The following ZSCAN26 variants were observed in gnomAD, a reference collection of about 807,000 sequenced individuals.
ZSCAN26 encodes the protein zinc finger and SCAN domain containing 26.
Under a neutral mutation model 23.0 loss-of-function variants are expected in ZSCAN26, and 26 were observed. That is an observed-to-expected ratio of 1.13 (90% CI 0.83 to 1.57). ZSCAN26 has a LOEUF of 1.57. Ranked by LOEUF, ZSCAN26 falls within the 40% of genes most tolerant of loss-of-function variation. The probability of loss-of-function intolerance (pLI) is 0.00; values close to 1 mark genes in which losing one functional copy is unlikely to be tolerated. For missense variants in ZSCAN26, 528 were observed against 568.5 expected, an observed-to-expected ratio of 0.93 and a Z score of 0.72; for synonymous variants, 180 against 202.5, an observed-to-expected ratio of 0.89 and a Z score of 0.94.
intron 3 of ZSCAN26, 50 bp from the exon 4 acceptor site, chr6:28,276,145 C>A: frequency 6.7e-7 from 1 of 1,500,820 alleles, no homozygotes; most frequent in Non-Finnish European, 8.9e-7. Flanking sequence ...AGATTCCTTT[C>A]CCCAAGCATC....
chr6:28,272,551 C>G, intron 2 of ZSCAN26, 119 bp from the exon 3 acceptor site: 1 of 1,038,386 alleles, frequency 9.6e-7, no homozygotes, highest in Non-Finnish European at 1.4e-6. Context: ...ATCTTCTTTT[C>G]TTTGCCCCTC....
rs1042823996 is a variant in ZSCAN26, at chr6:28,276,616, T to C, written c.960T>C (p.Phe320=). The change falls in exon 4 of 4, where the codon TTT becomes TTC. Residue 320 remains phenylalanine, a synonymous_variant. Transcript: ENST00000421553. ...PYQCNECGKV[F]SQNAGLLEHL... ...AGTGCAATGAGTGTGGCAAAGTCTT[T>C]AGCCAGAATGCAGGCCTTTTGGAAC... is the stretch of plus-strand genomic sequence containing the variant. 6.2e-7 allele frequency: 1 copy of C among 1,612,482 alleles called. No homozygotes were observed. Among genetic ancestry groups the C allele is most frequent in the East Asian group, 2.2e-5 (1 of 44,868 alleles).
At position 28,276,998 on chromosome 6, in the gene ZSCAN26, G is replaced by T. The variant is rs1381335277; in HGVS notation, c.1342G>T (p.Glu448Ter). ...TCAGCATGTAAGAATCCACAATGAAGAAAAACCCTATCAGTGTAGTGAATG... is the reference window on the plus strand; with the variant it reads ...TCAGCATGTAAGAATCCACAATGAATAAAAACCCTATCAGTGTAGTGAATG... ...LAQHVRIHNE[E>*]KPYQCSECGE... The change falls in exon 4 of 4, where the codon GAA (glutamate) becomes TAA (stop). Residue 448 changes from glutamate (E) to a stop codon, truncating the protein, a stop_gained. Coordinates refer to ENST00000421553, the MANE Select transcript of ZSCAN26 (RefSeq NM_001023560.4). LOFTEE classifies it high-confidence loss of function. 2 of 1,614,004 alleles carry T rather than the reference G, an allele frequency of 1.2e-6. No homozygotes were observed. Among genetic ancestry groups the T allele is most frequent in the Non-Finnish European group, 1.7e-6 (2 of 1,179,868 alleles).
In ZSCAN26 at chr6:28,276,384, A is replaced by G. The variant is rs765558461; in HGVS notation, c.728A>G (p.Gln243Arg). 6 of 1,613,922 alleles carry G rather than the reference A, an allele frequency of 3.7e-6. No individual in the cohort carries two copies. Among genetic ancestry groups the G allele is most frequent in the Admixed American group, 1.7e-5 (1 of 60,006 alleles). Residue 243 changes from glutamine to arginine, a missense_variant, in exon 4 of 4, where the codon CAG becomes CGG. Gln to Arg is a conservative substitution (Grantham distance 43). Transcript: ENST00000421553. Reference protein sequence around the residue: ...KCSEREQRFIQHLDLIEHAST... With the variant: ...KCSEREQRFIRHLDLIEHAST... ...TCAGAACGTGAGCAGAGATTCATCC[A>G]GCACTTGGACCTGATTGAACATGCG...
At chr6:28,271,521 G>T (rs1004194991) in intron 1 of ZSCAN26, among the ~76,000 whole-genome samples, 2 of 151,934 alleles carry the variant, frequency 1.3e-5, no homozygotes, top group African/African-American at 2.4e-5. Context: ...ACCATGCCTG[G>T]TGTCACTATG....
chr6:28,271,693 G>T (rs550549870), intron 1 of ZSCAN26, among the ~76,000 whole-genome samples, 161 bp from the exon 2 acceptor site: 22 of 152,252 alleles, frequency 1.4e-4, no homozygotes, highest in Non-Finnish European at 1.8e-4. Context: ...ACATTAGATG[G>T]TATTCTGTAA....
chr6:28,269,342 TATATATACATATGCCTGTATTTGTG>T (rs1761588494), intron 1 of ZSCAN26, among the ~76,000 whole-genome samples: 1 of 152,134 alleles, frequency 6.6e-6, no homozygotes, highest in Admixed American at 6.5e-5. Flanking sequence ...GAATTATGTA[TATATATACATATGCCTGTATTTGTG>T]TCATTATTTG....
In ZSCAN26 at chr6:28,271,960, T is replaced by G; in HGVS notation, c.41T>G (p.Leu14Arg). 6.4e-7 allele frequency: 1 copy of G among 1,551,646 alleles called. No individual in the cohort carries two copies. Among genetic ancestry groups the G allele is most frequent in the Non-Finnish European group, 8.7e-7 (1 of 1,146,954 alleles). Residue 14 changes from leucine (L) to arginine (R), a missense_variant, in exon 2 of 4, where the codon CTG becomes CGG. By Grantham distance (102) the Leu-to-Arg change is moderately radical. Transcript: ENST00000421553. ...ALVSAHSLAP[L>R]NLKKEGLRVV... ...GTGAGTGCCCATTCCCTGGCTCCCC[T>G]GAATCTGAAGAAGGAGGGGCTTCGG...
chr6:28,271,348 CT>C (rs1332479346), intron 1 of ZSCAN26, among the ~76,000 whole-genome samples: 2 of 152,092 alleles, frequency 1.3e-5, no homozygotes, highest in Non-Finnish European at 2.9e-5. Context: ...TTTCACTTGT[CT>C]TTTTTCTTTT....
In ZSCAN26 at chr6:28,276,830, T is replaced by C. The variant is rs774981495; in HGVS notation, c.1174T>C (p.Ser392Pro). 4 of 1,613,756 alleles carry C rather than the reference T, an allele frequency of 2.5e-6. No homozygotes were observed. The African/African-American group carries it at 5.3e-5, about 22-fold the overall frequency. ...LTHHQRIHSH[S>P]KSHQCNECGK... ...CCACCATCAGAGAATCCATAGTCAC[T>C]CCAAAAGCCATCAATGTAACGAGTG... The change falls in exon 4 of 4, where the codon TCC becomes CCC. Residue 392 changes from serine (S) to proline (P), a missense_variant. Ser to Pro is a moderately conservative substitution (Grantham distance 74). Coordinates refer to ENST00000421553, the MANE Select transcript of ZSCAN26 (RefSeq NM_001023560.4).
At position 28,272,260 on chromosome 6, in the gene ZSCAN26, A is replaced by G. The variant is rs1447195862; in HGVS notation, c.341A>G (p.His114Arg). 1.9e-6 allele frequency: 3 copies of G among 1,610,748 alleles called. No homozygotes were observed. Among genetic ancestry groups the G allele is most frequent in the Non-Finnish European group, 2.5e-6 (3 of 1,178,382 alleles). ...GAGCTCCAGGCCCGGGTGCAGGAGC[A>G]TCACCCAGAGAGCAGGGAGGACGTG... Reference protein sequence around the residue: ...PKELQARVQEHHPESREDVVV... With the variant: ...PKELQARVQERHPESREDVVV... Residue 114 changes from histidine (H) to arginine (R), a missense_variant, in exon 2 of 4, where the codon CAT (histidine) becomes CGT (arginine). Physicochemically the swap from His to Arg is conservative, Grantham distance 29 (BLOSUM62 0). Coordinates refer to ENST00000421553, the MANE Select transcript of ZSCAN26 (RefSeq NM_001023560.4).
chr6:28,272,626 C>G (rs1761745858), intron 2 of ZSCAN26, 44 bp from the exon 3 acceptor site: 1 of 1,488,706 alleles, frequency 6.7e-7, no homozygotes, highest in Non-Finnish European at 9.1e-7. Context: ...TTTCCTAAAC[C>G]CACATATATC....
Position 28,277,351 on chromosome 6 carries a change from A to G in ZSCAN26, c.*255A>G, listed in dbSNP as rs1296382627. 6.1e-6 allele frequency: 3 copies of G among 490,482 alleles called. No homozygotes were observed. The highest frequency in any genetic ancestry group is 1.1e-5 in the Non-Finnish European group (3 of 272,758). 30.4% of individuals were successfully genotyped at this position (490,482 alleles called of 1,614,324 possible). A position where few individuals can be genotyped will look rare whatever the true frequency, so the allele number is the denominator to read the frequency against. ...CAGGACATCTCAGAGCATGTAACAT[A>G]ACTGCATGATTATATACTCTAAGCA... On this transcript the variant is annotated 3_prime_UTR_variant, in exon 4 of 4. Coordinates refer to ENST00000421553, the MANE Select transcript of ZSCAN26 (RefSeq NM_001023560.4).
At position 28,277,286 on chromosome 6, in the gene ZSCAN26, A is replaced by G; in HGVS notation, c.*190A>G. 1.7e-6 allele frequency: 1 copy of G among 600,872 alleles called. No homozygotes were observed. The highest frequency in any genetic ancestry group is 2.9e-6 in the Non-Finnish European group (1 of 343,024). 37.2% of individuals were successfully genotyped at this position (600,872 alleles called of 1,614,324 possible). On this transcript the variant is annotated 3_prime_UTR_variant, in exon 4 of 4. Coordinates refer to ENST00000421553, the MANE Select transcript of ZSCAN26 (RefSeq NM_001023560.4). ...TTGGACCACAATAATTTCACTGTAGATGATATGCTAGGATCAAAGTTAAAC... is the reference window on the plus strand; with the variant it reads ...TTGGACCACAATAATTTCACTGTAGGTGATATGCTAGGATCAAAGTTAAAC...
At chr6:28,275,233 A>T (rs1349078666) in intron 3 of ZSCAN26, among the ~76,000 whole-genome samples, 2 of 152,082 alleles carry the variant, frequency 1.3e-5, no homozygotes, top group Non-Finnish European at 2.9e-5. Context: ...TCTCATTCTG[A>T]CTTTGCATCC....
chr6:28,274,531 G>A (rs7768479), intron 3 of ZSCAN26, among the ~76,000 whole-genome samples: 11 of 152,204 alleles, frequency 7.2e-5, no homozygotes, highest in African/African-American at 1.4e-4. Context: ...CTTGAAGCCA[G>A]ATGTTTGAGA....
chr6:28,274,542 C>G (rs945896810), intron 3 of ZSCAN26, among the ~76,000 whole-genome samples: 6 of 152,132 alleles, frequency 3.9e-5, no homozygotes, highest in Admixed American at 1.3e-4. Flanking sequence ...ATGTTTGAGA[C>G]CAGCCTGGGC....
At chr6:28,270,305 T>C (rs1581607890) in intron 1 of ZSCAN26, among the ~76,000 whole-genome samples, 3 of 152,326 alleles carry the variant, frequency 2.0e-5, no homozygotes, top group Admixed American at 2.0e-4. Context: ...GTTTGGAGGC[T>C]AAGCCACTGA....
chr6:28,275,491 A>G (rs1315843190), intron 3 of ZSCAN26, among the ~76,000 whole-genome samples: 1 of 152,192 alleles, frequency 6.6e-6, no homozygotes, highest in Non-Finnish European at 1.5e-5. Flanking sequence ...TCTGCTCTGC[A>G]TGTGCTTACA....
Sources: gnomAD v4.1 joint callset for allele counts (sites outside exome capture counted in the v4.1 genomes callset) on GRCh38, gnomAD v4.1.1 for gene constraint, MANE v1.5 for transcripts, NCBI Gene and HGNC (gene_info 2026-07-23, HGNC 2026-07-21) for gene names.